The following KIF6 variants were observed in gnomAD, a reference collection of about 807,000 sequenced individuals.
The protein encoded by KIF6 is kinesin family member 6, also known as kinesin-like protein KIF6.
KIF6 carries 106 observed loss-of-function variants against 112.7 expected under a neutral mutation model. That is an observed-to-expected ratio of 0.94 (90% CI 0.80 to 1.11). KIF6 has a LOEUF of 1.11. Among genes scored for constraint, KIF6 ranks in the 50% least tolerant of loss-of-function variants. KIF6 has a pLI of 0.00. For missense variants in KIF6, 929 were observed against 964.0 expected, an observed-to-expected ratio of 0.96 and a Z score of 0.48; for synonymous variants, 339 against 339.9, an observed-to-expected ratio of 1.00 and a Z score of 0.03.
chr6:39,523,928 A>C (rs1777553915), intron 13 of KIF6, among the ~76,000 whole-genome samples: 1 of 151,658 alleles, frequency 6.6e-6, no homozygotes, highest in Admixed American at 6.6e-5. Context: ...AATTCAATGA[A>C]TTTTTATTCA....
intron 10 of KIF6, among the ~76,000 whole-genome samples, chr6:39,552,182 T>C (rs1163440234): frequency 6.6e-6 from 1 of 152,210 alleles, no homozygotes; most frequent in Admixed American, 6.5e-5. Context: ...AAATGTTCTG[T>C]GAAGGAGGAA....
At chr6:39,396,479 C>T (rs1768276542) in intron 15 of KIF6, among the ~76,000 whole-genome samples, 2 of 152,118 alleles carry the variant, frequency 1.3e-5, no homozygotes, top group African/African-American at 4.8e-5. Flanking sequence ...GGCTAGCCTT[C>T]AGAGACAACT....
At chr6:39,699,514 A>G (rs1326704513) in intron 3 of KIF6, among the ~76,000 whole-genome samples, 1 of 152,140 alleles carries the variant, frequency 6.6e-6, no homozygotes, top group Non-Finnish European at 1.5e-5. Flanking sequence ...ACTATAAGGT[A>G]AGGTCCCCTT....
intron 3 of KIF6, among the ~76,000 whole-genome samples, chr6:39,670,297 C>A (rs979418591): frequency 6.6e-6 from 1 of 152,122 alleles, no homozygotes; most frequent in Non-Finnish European, 1.5e-5. Context: ...TTCAGTTAAT[C>A]CTTGAATGAT....
intron 13 of KIF6, among the ~76,000 whole-genome samples, chr6:39,485,624 C>G (rs1178648680): frequency 6.6e-6 from 1 of 152,102 alleles, no homozygotes; most frequent in African/African-American, 2.4e-5. Flanking sequence ...TCTGCCTTTC[C>G]CCAAAGATTC....
At chr6:39,614,983 G>A (rs1274247534) in intron 5 of KIF6, among the ~76,000 whole-genome samples, 1 of 152,040 alleles carries the variant, frequency 6.6e-6, no homozygotes, top group African/African-American at 2.4e-5. Context: ...GGAAGATAAA[G>A]TAACAAAATA....
At chr6:39,426,762 A>G (rs1770792858) in intron 14 of KIF6, among the ~76,000 whole-genome samples, 1 of 152,114 alleles carries the variant, frequency 6.6e-6, no homozygotes, top group African/African-American at 2.4e-5. Flanking sequence ...TCAAAAAAAA[A>G]GTAACATGGA....
intron 15 of KIF6, among the ~76,000 whole-genome samples, chr6:39,403,613 A>G (rs1232604047): frequency 6.6e-6 from 1 of 152,200 alleles, no homozygotes; most frequent in Non-Finnish European, 1.5e-5. Flanking sequence ...AACCCTTACA[A>G]ACATCTGCAT....
chr6:39,697,141 T>C (rs1021439936), intron 3 of KIF6, among the ~76,000 whole-genome samples: 3 of 152,192 alleles, frequency 2.0e-5, no homozygotes, highest in African/African-American at 7.2e-5. Flanking sequence ...CTCTCTTCTC[T>C]GGCATCACCA....
chr6:39,364,801 A>G (rs1377947272), intron 16 of KIF6, among the ~76,000 whole-genome samples: 1 of 152,220 alleles, frequency 6.6e-6, no homozygotes, highest in Non-Finnish European at 1.5e-5. Context: ...TCAAGGTTAC[A>G]TAGCTACTAA....
In KIF6 at chr6:39,361,814, G is replaced by A. The variant is rs545681933; in HGVS notation, c.1946+620C>T. 3.3e-5 allele frequency among the ~76,000 whole-genome samples: 5 copies of A among 152,160 alleles called. No individual in the cohort carries two copies. In the South Asian group the frequency reaches 1.0e-3, roughly 32 times the overall value. Reference sequence around the variant, plus strand: ...CGGTGGTGCATGCCAGGTCAGCTGGGGGTTGGGGTGGGGCAGGGAGTGTGC... The same window carrying A: ...CGGTGGTGCATGCCAGGTCAGCTGGAGGTTGGGGTGGGGCAGGGAGTGTGC... On this transcript the variant is annotated intron_variant, in intron 17 of 22. Transcript: ENST00000287152.
chr6:39,691,565 T>G (rs551637143), intron 3 of KIF6: 2 of 152,352 alleles, frequency 1.3e-5, no homozygotes, highest in East Asian at 3.9e-4. Flanking sequence ...AGAACTGTGT[T>G]ATTTAATGTA....
At position 39,385,622 on chromosome 6, in the gene KIF6, C is replaced by T. The variant is rs1243843181; in HGVS notation, c.1861G>A (p.Gly621Arg). The change falls in exon 16 of 23, where the codon GGA (glycine) becomes AGA (arginine). Residue 621 changes from glycine to arginine, a missense_variant and splice_region_variant. Transcript: ENST00000287152. ...TQRHIQQVAL[G>R]ISENMAVPLM... ...TCCTGCAGATTCTCTTTGTACCTAC[C>T]TAGGGCTACTTGCTGTATATGCCGC... The T allele has an allele frequency of 6.2e-6, 10 of 1,612,778 alleles. No individual in the cohort carries two copies. The highest frequency in any genetic ancestry group is 8.5e-6 in the Non-Finnish European group (10 of 1,178,944).
intron 15 of KIF6, among the ~76,000 whole-genome samples, chr6:39,390,298 T>C (rs1018000330): frequency 2.6e-5 from 4 of 152,140 alleles, no homozygotes; most frequent in Non-Finnish European, 5.9e-5. Context: ...TTCAGACATA[T>C]TGGAAGGATA....
chr6:39,599,318 G>T (rs79526729), intron 6 of KIF6, among the ~76,000 whole-genome samples: 2,548 of 152,250 alleles, frequency 0.017, 72 homozygotes, highest in African/African-American at 0.058. Flanking sequence ...TTTCAATATG[G>T]ATGCACATGT....
At chr6:39,505,697 T>C (rs926552252) in intron 13 of KIF6, among the ~76,000 whole-genome samples, 2 of 152,082 alleles carry the variant, frequency 1.3e-5, no homozygotes, top group African/African-American at 4.8e-5. Context: ...GCAAAGGACA[T>C]GAACAGACAC....
Position 39,331,146 on chromosome 6 carries a change from A to G in KIF6, c.*5386T>C. The G allele has an allele frequency of 6.5e-6, 1 of 152,802 alleles. No individual in the cohort carries two copies. Among genetic ancestry groups the G allele is most frequent in the Non-Finnish European group, 1.5e-5 (1 of 68,438 alleles). 9.5% of individuals were successfully genotyped at this position (152,802 alleles called of 1,614,324 possible). On this transcript the variant is annotated 3_prime_UTR_variant, in exon 23 of 23. Coordinates refer to ENST00000287152, the MANE Select transcript of KIF6 (RefSeq NM_145027.6). ...CCCACCCACCTTGATAGTGAGTCCA[A>G]GCCCATCCTACCCCACCCCCAACTC...
chr6:39,493,274 C>A (rs954886456), intron 13 of KIF6, among the ~76,000 whole-genome samples: 1 of 152,194 alleles, frequency 6.6e-6, no homozygotes, highest in Non-Finnish European at 1.5e-5. Context: ...TCAACCCCTT[C>A]ATTTTACAGA....
intron 15 of KIF6, among the ~76,000 whole-genome samples, chr6:39,411,085 A>G (rs989079285): frequency 5.3e-5 from 8 of 152,232 alleles, no homozygotes; most frequent in African/African-American, 1.4e-4. Flanking sequence ...AAATAAGCAG[A>G]TAAGTAGCTC....
Sources: allele counts gnomAD v4.1 joint callset (sites outside exome capture counted in the v4.1 genomes callset), GRCh38; gene constraint gnomAD v4.1.1; transcripts MANE v1.5; gene names NCBI Gene and HGNC (gene_info 2026-07-23, HGNC 2026-07-21).